FAM171A1: variants seen among roughly 807,000 people sequenced by gnomAD.
FAM171A1 encodes protein FAM171A1.
FAM171A1 carries 23 observed loss-of-function variants against 74.9 expected under a neutral mutation model. That is an observed-to-expected ratio of 0.31 (90% confidence interval 0.22 to 0.44). The LOEUF (loss-of-function observed/expected upper bound fraction) is 0.44. Among genes scored for constraint, FAM171A1 ranks in the 20% least tolerant of loss-of-function variants. The probability of loss-of-function intolerance (pLI) is 1.00; values close to 1 mark genes in which losing one functional copy is unlikely to be tolerated. For synonymous variants in FAM171A1, 527 were observed against 505.7 expected, an observed-to-expected ratio of 1.04 and a Z score of -0.57; for missense variants, 1,162 against 1,159.2, an observed-to-expected ratio of 1.00 and a Z score of -0.03.
intron 1 of FAM171A1, among the ~76,000 whole-genome samples, chr10:15,285,692 C>T (rs1201743471): frequency 6.6e-6 from 1 of 152,186 alleles, no homozygotes; most frequent in East Asian, 1.9e-4. Flanking sequence ...ACATGCCATG[C>T]TTTTTGAGCT....
chr10:15,331,853 A>AGG (rs1835638460), intron 1 of FAM171A1, among the ~76,000 whole-genome samples: 1 of 73,822 alleles, frequency 1.4e-5, no homozygotes, highest in Non-Finnish European at 3.1e-5. Context: ...GTGTATATAT[A>AGG]TGTGTGTATA....
intron 3 of FAM171A1, among the ~76,000 whole-genome samples, chr10:15,270,747 GT>G (rs1246363725): frequency 6.6e-6 from 1 of 152,160 alleles, no homozygotes; most frequent in Non-Finnish European, 1.5e-5. Flanking sequence ...GCCTCCGCTG[GT>G]GATACCCAGG....
chr10:15,250,371 G>A (rs944850730), intron 4 of FAM171A1, among the ~76,000 whole-genome samples: 10 of 152,324 alleles, frequency 6.6e-5, no homozygotes, highest in African/African-American at 2.2e-4. Context: ...AAACACAAAT[G>A]TGCCAGCAGC....
At chr10:15,365,767 TA>T (rs3033606) in intron 1 of FAM171A1, among the ~76,000 whole-genome samples, 4 of 144,746 alleles carry the variant, frequency 2.8e-5, no homozygotes. Flanking sequence ...GAGACTCTGT[TA>T]AAAAAAAAAA....
At chr10:15,248,181 A>G (rs951468099) in intron 5 of FAM171A1, among the ~76,000 whole-genome samples, 6 of 152,088 alleles carry the variant, frequency 3.9e-5, no homozygotes, top group Non-Finnish European at 7.4e-5. Flanking sequence ...AGAATTCAAG[A>G]TATATTAGTG....
chr10:15,370,909 A>T (rs1445653065), intron 1 of FAM171A1, 47 bp downstream of exon 1: 1 of 887,128 alleles, frequency 1.1e-6, no homozygotes, highest in Non-Finnish European at 1.4e-6. Flanking sequence ...CCTCCGCGCC[A>T]GGCCCGGCGC....
chr10:15,220,294 GC>G (rs1399420686), intron 6 of FAM171A1, among the ~76,000 whole-genome samples: 2 of 152,078 alleles, frequency 1.3e-5, no homozygotes, highest in African/African-American at 4.8e-5. Flanking sequence ...TCTAAAGGCA[GC>G]TTGAGCAACA....
At chr10:15,367,223 C>CAA (rs34374113) in intron 1 of FAM171A1, among the ~76,000 whole-genome samples, 1 of 151,718 alleles carries the variant, frequency 6.6e-6, no homozygotes, top group Admixed American at 6.6e-5. Context: ...AACAAACAAA[C>CAA]ACACACACAA....
In FAM171A1 at chr10:15,262,996, C is replaced by T. The variant is rs116648688; in HGVS notation, c.419-8117G>A. 4.0e-3 allele frequency among the ~76,000 whole-genome samples: 608 copies of T among 152,154 alleles called. 4 individuals carry two copies. Among genetic ancestry groups the T allele is most frequent in the African/African-American group, 0.014 (564 of 41,498 alleles). Reference sequence around the variant, plus strand: ...CTGGGAGGACGGCATGCAGGTGGGGCGAGGGGCATATGGAGTGTGCTGGGA... The same window carrying T: ...CTGGGAGGACGGCATGCAGGTGGGGTGAGGGGCATATGGAGTGTGCTGGGA... On this transcript the variant is annotated intron_variant, in intron 3 of 7. Coordinates refer to ENST00000378116, the MANE Select transcript of FAM171A1 (RefSeq NM_001010924.2).
intron 3 of FAM171A1, among the ~76,000 whole-genome samples, chr10:15,273,269 T>C (rs1475250757): frequency 2.6e-5 from 4 of 152,152 alleles, no homozygotes; most frequent in Non-Finnish European, 4.4e-5. Context: ...AACAGCTCTA[T>C]GCAAATAAAC....
At chr10:15,249,250 C>T (rs1234301960) in intron 4 of FAM171A1, among the ~76,000 whole-genome samples, 1 of 152,086 alleles carries the variant, frequency 6.6e-6, no homozygotes, top group South Asian at 2.1e-4. Flanking sequence ...GCTTCCACTA[C>T]CCTGATGGAT....
At chr10:15,249,114 TGAGA>T (rs1834475653) in intron 4 of FAM171A1, among the ~76,000 whole-genome samples, 1 of 150,162 alleles carries the variant, frequency 6.7e-6, no homozygotes. Flanking sequence ...TTTTTTTTTT[TGAGA>T]TGAAGTCTCA....
intron 5 of FAM171A1, chr10:15,237,382 G>A (rs1588505201): frequency 1.3e-5 from 2 of 152,240 alleles, no homozygotes; most frequent in Middle Eastern, 3.4e-3. Flanking sequence ...TCATTTTGGG[G>A]GGAGACAAAC....
At chr10:15,303,094 C>T (rs1835252391) in intron 1 of FAM171A1, among the ~76,000 whole-genome samples, 1 of 151,990 alleles carries the variant, frequency 6.6e-6, no homozygotes, top group Admixed American at 6.6e-5. Flanking sequence ...GAGGCTGAGG[C>T]AAGAGAATCG....
chr10:15,236,381 C>T (rs540182766), intron 5 of FAM171A1, among the ~76,000 whole-genome samples: 5 of 151,834 alleles, frequency 3.3e-5, no homozygotes, highest in East Asian at 3.9e-4. Context: ...GTTTTCCAAG[C>T]GCCAGGCTCT....
chr10:15,373,225 GTC>G (rs1836170553), upstream of FAM171A1, among the ~76,000 whole-genome samples: 1 of 152,208 alleles, frequency 6.6e-6, no homozygotes, highest in South Asian at 2.1e-4. Flanking sequence ...GTGGCAGGTA[GTC>G]AGGAAGGCAG....
At chr10:15,363,317 G>A (rs543854502) in intron 1 of FAM171A1, among the ~76,000 whole-genome samples, 8 of 152,178 alleles carry the variant, frequency 5.3e-5, no homozygotes, top group Non-Finnish European at 8.8e-5. Flanking sequence ...CAGACAACAT[G>A]GAAGAGGGTT....
upstream of FAM171A1, among the ~76,000 whole-genome samples, chr10:15,373,780 T>C (rs1021465086): frequency 6.6e-6 from 1 of 152,224 alleles, no homozygotes; most frequent in African/African-American, 2.4e-5. Flanking sequence ...TAAGTCTTAT[T>C]GTTCACTCAA....
At chr10:15,331,194 C>T (rs563851148) in intron 1 of FAM171A1, among the ~76,000 whole-genome samples, 3 of 152,212 alleles carry the variant, frequency 2.0e-5, no homozygotes, top group African/African-American at 7.2e-5. Context: ...CGGCCTACAG[C>T]ATGTTTTCAC....
Sources: gnomAD v4.1 joint callset for allele counts (sites outside exome capture counted in the v4.1 genomes callset) on GRCh38, gnomAD v4.1.1 for gene constraint, MANE v1.5 for transcripts, NCBI Gene and HGNC (gene_info 2026-07-23, HGNC 2026-07-21) for gene names.